The following SPRED2 variants were observed in gnomAD, a reference collection of about 807,000 sequenced individuals.
SPRED2 encodes the protein sprouty-related, EVH1 domain-containing protein 2.
SPRED2 carries 47 observed loss-of-function variants against 43.0 expected under a neutral mutation model. That is an observed-to-expected ratio of 1.09 (90% confidence interval 0.87 to 1.40). The LOEUF (loss-of-function observed/expected upper bound fraction) is 1.40, where lower values mean the gene tolerates loss of function less well. Among genes scored for constraint, SPRED2 ranks in the 40% most tolerant of loss-of-function variants. The probability of loss-of-function intolerance (pLI) is 0.00; values close to 1 mark genes in which losing one functional copy is unlikely to be tolerated. For synonymous variants in SPRED2, 225 were observed against 225.7 expected, an observed-to-expected ratio of 1.00 and a Z score of 0.03; for missense variants, 561 against 586.4, an observed-to-expected ratio of 0.96 and a Z score of 0.45.
chr2:65,359,907 G>C (rs1459230165), intron 1 of SPRED2, among the ~76,000 whole-genome samples: 1 of 151,632 alleles, frequency 6.6e-6, no homozygotes, highest in Admixed American at 6.6e-5. Context: ...TCTACTAAAA[G>C]TACAAAACTC....
chr2:65,349,039 T>C (rs925456529), intron 1 of SPRED2, among the ~76,000 whole-genome samples: 1 of 152,210 alleles, frequency 6.6e-6, no homozygotes, highest in African/African-American at 2.4e-5. Flanking sequence ...CTGGGCGCAG[T>C]GGCTCACGCC....
chr2:65,320,226 T>C (rs1673370983), intron 4 of SPRED2, among the ~76,000 whole-genome samples: 3 of 152,210 alleles, frequency 2.0e-5, no homozygotes. Flanking sequence ...GTGTTGAACA[T>C]TGTAATAAGC....
chr2:65,350,173 T>TA (rs1307045281), intron 1 of SPRED2, among the ~76,000 whole-genome samples: 1 of 152,200 alleles, frequency 6.6e-6, no homozygotes, highest in Non-Finnish European at 1.5e-5. Flanking sequence ...TGGAAAGAAT[T>TA]AAACAACATC....
intron 1 of SPRED2, among the ~76,000 whole-genome samples, chr2:65,426,672 C>T (rs1440858700): frequency 3.3e-5 from 5 of 152,154 alleles, no homozygotes; most frequent in African/African-American, 4.8e-5. Flanking sequence ...ACCACCCAAA[C>T]GCAATGGCTC....
At chr2:65,310,729 C>T (rs762408534), downstream of SPRED2, 8 of 305,176 alleles carry the variant, frequency 2.6e-5, no homozygotes, top group Non-Finnish European at 3.8e-5. Flanking sequence ...AAAAACAGAC[C>T]GGTGTCCACA....
At chr2:65,387,797 CT>C (rs1173876935) in intron 1 of SPRED2, among the ~76,000 whole-genome samples, 2 of 142,720 alleles carry the variant, frequency 1.4e-5, no homozygotes, top group South Asian at 2.2e-4. Flanking sequence ...AAATTCTTTT[CT>C]TTTTCTTTTT....
At chr2:65,425,432 C>T (rs1226534228) in intron 1 of SPRED2, among the ~76,000 whole-genome samples, 1 of 152,156 alleles carries the variant, frequency 6.6e-6, no homozygotes, top group East Asian at 1.9e-4. Context: ...TTGAGAGTAG[C>T]AGGAAGAACA....
intron 1 of SPRED2, among the ~76,000 whole-genome samples, chr2:65,359,979 C>T (rs1674756132): frequency 1.3e-5 from 2 of 148,788 alleles, no homozygotes; most frequent in South Asian, 4.3e-4. Context: ...GCAGGAGAAT[C>T]GCTAGAACCC....
intron 1 of SPRED2, among the ~76,000 whole-genome samples, chr2:65,368,827 A>AT (rs1675048208): frequency 6.6e-6 from 1 of 152,222 alleles, no homozygotes; most frequent in Non-Finnish European, 1.5e-5. Context: ...CATGCCCGTA[A>AT]TCCCAACACT....
At chr2:65,400,634 TCTTCC>T (rs912336752) in intron 1 of SPRED2, among the ~76,000 whole-genome samples, 4 of 152,134 alleles carry the variant, frequency 2.6e-5, no homozygotes, top group Non-Finnish European at 5.9e-5. Flanking sequence ...GTATGGGGGT[TCTTCC>T]CTTCCTTTCT....
At chr2:65,395,173 C>T (rs954937166) in intron 1 of SPRED2, among the ~76,000 whole-genome samples, 1 of 152,116 alleles carries the variant, frequency 6.6e-6, no homozygotes, top group Non-Finnish European at 1.5e-5. Flanking sequence ...CCACGATCTC[C>T]AGCACTTCTC....
chr2:65,431,584 G>C (rs2103830937), intron 1 of SPRED2, among the ~76,000 whole-genome samples: 1 of 152,358 alleles, frequency 6.6e-6, no homozygotes, highest in African/African-American at 2.4e-5. Flanking sequence ...AAGTCACTGT[G>C]CAAAAACCCA....
chr2:65,313,663 G>C lies in SPRED2; in HGVS notation c.1095C>G (p.Cys365Trp). ...ACTTCTCGTCGCTAGTATCGCACGA[G>C]CAAGGGTCTGTATAGTCTCCCTCGG... is the stretch of plus-strand genomic sequence containing the variant. The part of the protein sequence containing the change: ...SDPEGDYTDP[C>W]SCDTSDEKFC... Residue 365 changes from cysteine (C) to tryptophan (W), a missense_variant, in exon 6 of 6, where the codon TGC becomes TGG. Coordinates refer to ENST00000356388, the MANE Select transcript of SPRED2 (RefSeq NM_181784.3). 1.2e-6 allele frequency: 2 copies of C among 1,614,204 alleles called. No homozygotes were observed. Among genetic ancestry groups the C allele is most frequent in the Non-Finnish European group, 1.7e-6 (2 of 1,180,024 alleles).
chr2:65,370,305 C>T (rs1305061990), intron 1 of SPRED2, among the ~76,000 whole-genome samples: 1 of 145,942 alleles, frequency 6.9e-6, no homozygotes, highest in Non-Finnish European at 1.5e-5. Flanking sequence ...ACATACAGAA[C>T]ACTCATCAAT....
chr2:65,372,509 G>A (rs1482791297), intron 1 of SPRED2, among the ~76,000 whole-genome samples: 1 of 152,112 alleles, frequency 6.6e-6, no homozygotes, highest in South Asian at 2.1e-4. Flanking sequence ...TCTATGAGAG[G>A]AGACCAGTTT....
At chr2:65,380,250 G>C (rs1024353513) in intron 1 of SPRED2, among the ~76,000 whole-genome samples, 1 of 152,152 alleles carries the variant, frequency 6.6e-6, no homozygotes, top group Non-Finnish European at 1.5e-5. Flanking sequence ...AGACAAGGTC[G>C]ACTCAGGTGC....
chr2:65,360,851 A>T (rs1234460734), intron 1 of SPRED2, among the ~76,000 whole-genome samples: 1 of 152,250 alleles, frequency 6.6e-6, no homozygotes, highest in Non-Finnish European at 1.5e-5. Flanking sequence ...AAAAAAGATA[A>T]ACTGTGAAAC....
At chr2:65,360,079 CAAAAAAAAACA>C (rs773374343) in intron 1 of SPRED2, among the ~76,000 whole-genome samples, 2 of 93,704 alleles carry the variant, frequency 2.1e-5, no homozygotes, top group Non-Finnish European at 2.0e-5. Context: ...AAAAAAAAAA[CAAAAAAAAACA>C]AAAAAAAAAC....
chr2:65,365,665 GA>G (rs1422245555), intron 1 of SPRED2, among the ~76,000 whole-genome samples: 3 of 152,208 alleles, frequency 2.0e-5, no homozygotes, highest in African/African-American at 4.8e-5. Context: ...TGGACAGACA[GA>G]CCAGGAAAGC....
Sources: allele counts gnomAD v4.1 joint callset (sites outside exome capture counted in the v4.1 genomes callset), GRCh38; gene constraint gnomAD v4.1.1; transcripts MANE v1.5; gene names NCBI Gene and HGNC (gene_info 2026-07-23, HGNC 2026-07-21).